The following KCNQ1OT1 variants were observed in gnomAD, a reference collection of about 807,000 sequenced individuals.
The protein encoded by KCNQ1OT1 is KCNQ1 opposite strand/antisense transcript 1, also known as KCNQ1 antisense RNA 2 (non-protein coding).
exon 1 of KCNQ1OT1, chr11:2,619,160 C>A: frequency 2.5e-6 from 1 of 398,390 alleles, no homozygotes; most frequent in Non-Finnish European, 4.4e-6. Flanking sequence ...ATTTGAATGT[C>A]TTTCATTTCT....
At chr11:2,634,135 A>ATTTT (rs35461041) in exon 1 of KCNQ1OT1, 11 of 382,550 alleles carry the variant, frequency 2.9e-5, no homozygotes, top group African/African-American at 1.1e-4. Flanking sequence ...TGTCTTTGGT[A>ATTTT]TTTTTTTTTT....
chr11:2,622,801 A>G (rs1849197271), exon 1 of KCNQ1OT1: 1 of 398,670 alleles, frequency 2.5e-6, no homozygotes, highest in East Asian at 3.6e-5. Context: ...CACTGCACCC[A>G]TACATACAGA....
chr11:2,673,893 T>A lies in KCNQ1OT1; in HGVS notation n.26102A>T, dbSNP rs1021557202. ...TCCTGAAAGCAGGCACAGGAAGGGA[T>A]GGGAGCTCAGCTCACCGGGTGCTAG... is the stretch of plus-strand genomic sequence containing the variant. On this transcript the variant is annotated non_coding_transcript_exon_variant, in exon 1 of 1. Coordinates refer to ENST00000597346, the Ensembl canonical transcript of KCNQ1OT1. The surrounding 1 kb of genome is among the most constrained non-coding windows in gnomAD (Gnocchi z 4.5). 3.8e-5 allele frequency: 15 copies of A among 394,810 alleles called. No homozygotes were observed. Among genetic ancestry groups the A allele is most frequent in the Admixed American group, 1.4e-4 (3 of 22,098 alleles). 24.5% of individuals were successfully genotyped at this position (394,810 alleles called of 1,614,324 possible).
rs1364081489 is a variant in KCNQ1OT1, at chr11:2,626,561, C to T, written n.73434G>A. On this transcript the variant is annotated non_coding_transcript_exon_variant, in exon 1 of 1. Transcript: ENST00000597346. This position sits in a 1 kb window ranked among gnomAD's most constrained non-coding sequence, Gnocchi z 4.0. ...TTTGTTTGTTTTTCAGACATTCTTA[C>T]TCTGTTGCCCACGCTGGAGTACAGT... 1 of 398,462 alleles carries T rather than the reference C, an allele frequency of 2.5e-6. No homozygotes were observed. Among genetic ancestry groups the T allele is most frequent in the Admixed American group, 4.4e-5 (1 of 22,702 alleles). 24.7% of individuals were successfully genotyped at this position (398,462 alleles called of 1,614,324 possible).
chr11:2,651,817 G>C lies in KCNQ1OT1; in HGVS notation n.48178C>G, dbSNP rs1446929663. 5.5e-5 allele frequency: 22 copies of C among 398,442 alleles called. No homozygotes were observed. The East Asian group carries it at 7.5e-4, about 14-fold the overall frequency. The allele number at this position is 398,442 out of a possible 1,614,324, so 24.7% of individuals were successfully genotyped here. A position where few individuals can be genotyped will look rare whatever the true frequency, so the allele number is the denominator to read the frequency against. ...TTAAGAGTCCATTAGCATTGGAATG[G>C]AGCCCACAGGACCATACCAGACAGA... On this transcript the variant is annotated non_coding_transcript_exon_variant, in exon 1 of 1. Coordinates refer to ENST00000597346, the Ensembl canonical transcript of KCNQ1OT1. This position sits in a 1 kb window ranked among gnomAD's most constrained non-coding sequence, Gnocchi z 6.1.
In KCNQ1OT1 at chr11:2,645,988, T is replaced by C. The variant is rs1262903820; in HGVS notation, n.54007A>G. 8 of 398,640 alleles carry C rather than the reference T, an allele frequency of 2.0e-5. No individual in the cohort carries two copies. The highest frequency in any genetic ancestry group is 1.8e-4 in the East Asian group (5 of 28,074). 24.7% of individuals were successfully genotyped at this position (398,640 alleles called of 1,614,324 possible). ...TTCTCTGACTAGGATTTCAGGAGTC[T>C]GCTGTGGGAATGTGGACCACTAGGG... On this transcript the variant is annotated non_coding_transcript_exon_variant, in exon 1 of 1. Coordinates refer to ENST00000597346, the Ensembl canonical transcript of KCNQ1OT1. The surrounding 1 kb of genome is among the most constrained non-coding windows in gnomAD (Gnocchi z 5.8).
exon 1 of KCNQ1OT1, chr11:2,631,121 T>C: frequency 1.0e-5 from 4 of 398,602 alleles, no homozygotes; most frequent in Non-Finnish European, 1.8e-5. Context: ...TCCATCAATC[T>C]GGGAAGAGCC....
rs1369235086 is a variant in KCNQ1OT1, at chr11:2,682,155, T to TA, written n.17839dup. 6 of 398,468 alleles carry TA rather than the reference T, an allele frequency of 1.5e-5. No homozygotes were observed. The highest frequency in any genetic ancestry group is 2.2e-5 in the Non-Finnish European group (5 of 226,092). The allele number at this position is 398,468 out of a possible 1,614,324, so 24.7% of individuals were successfully genotyped here. Reference sequence around the variant, plus strand: ...AGCTCATCAAATATTCTTTCAGTATTAAACATATCAAGCTCTCTCCTGACC... The same window carrying TA: ...AGCTCATCAAATATTCTTTCAGTATTAAAACATATCAAGCTCTCTCCTGACC... On this transcript the variant is annotated non_coding_transcript_exon_variant, in exon 1 of 1. Transcript: ENST00000597346. This position sits in a 1 kb window ranked among gnomAD's most constrained non-coding sequence, Gnocchi z 5.8.
rs1849007721 is a variant in KCNQ1OT1 at position 2,613,100 on chromosome 11, T to C, written n.86895A>G. On this transcript the variant is annotated non_coding_transcript_exon_variant, in exon 1 of 1. Coordinates refer to ENST00000597346, the Ensembl canonical transcript of KCNQ1OT1. The surrounding 1 kb of genome is among the most constrained non-coding windows in gnomAD (Gnocchi z 4.8). Reference sequence around the variant, plus strand: ...CAAGCCATGATTAGTCAGACATTTGTTTAAACATCTTGAGCCAGTGAATCT... The same window carrying C: ...CAAGCCATGATTAGTCAGACATTTGCTTAAACATCTTGAGCCAGTGAATCT... 2 of 398,492 alleles carry C rather than the reference T, an allele frequency of 5.0e-6. No individual in the cohort carries two copies. Among genetic ancestry groups the C allele is most frequent in the South Asian group, 2.5e-4 (2 of 7,862 alleles). The allele number at this position is 398,492 out of a possible 1,614,324, so 24.7% of individuals were successfully genotyped here. A position where few individuals can be genotyped will look rare whatever the true frequency, so the allele number is the denominator to read the frequency against.
exon 1 of KCNQ1OT1, chr11:2,696,475 G>T: frequency 2.5e-6 from 1 of 398,630 alleles, no homozygotes; most frequent in South Asian, 1.3e-4. Flanking sequence ...TGCTGAAGTT[G>T]GCGTGTGCCC....
chr11:2,612,522 G>A lies in KCNQ1OT1; in HGVS notation n.87473C>T. ...TTCTTTCTTCTGCCAGGTCAAATTT[G>A]CTTAGCCGCACTAGTGAGTTTTTCA... is the stretch of plus-strand genomic sequence containing the variant. On this transcript the variant is annotated non_coding_transcript_exon_variant, in exon 1 of 1. Transcript: ENST00000597346. The surrounding 1 kb of genome is among the most constrained non-coding windows in gnomAD (Gnocchi z 5.5). The A allele has an allele frequency of 2.5e-6, 1 of 398,518 alleles. No individual in the cohort carries two copies. Among genetic ancestry groups the A allele is most frequent in the Admixed American group, 4.4e-5 (1 of 22,720 alleles). 24.7% of individuals were successfully genotyped at this position (398,518 alleles called of 1,614,324 possible).
At chr11:2,643,910 G>C in exon 1 of KCNQ1OT1, 1 of 398,484 alleles carries the variant, frequency 2.5e-6, no homozygotes, top group Admixed American at 4.4e-5. Flanking sequence ...TTTTCTTTCA[G>C]CACTCTGCGT....
chr11:2,611,594 C>T lies in KCNQ1OT1; in HGVS notation n.88401G>A, dbSNP rs1246498436. ...TCTTTTTCCATCATTTTACTTTCAA[C>T]TATGTCTTTGAATCTAGAATGTGAC... On this transcript the variant is annotated non_coding_transcript_exon_variant, in exon 1 of 1. Transcript: ENST00000597346. This position sits in a 1 kb window ranked among gnomAD's most constrained non-coding sequence, Gnocchi z 5.3. 1.5e-5 allele frequency: 6 copies of T among 398,450 alleles called. No homozygotes were observed. In the East Asian group the frequency reaches 1.8e-4, roughly 12 times the overall value. 24.7% of individuals were successfully genotyped at this position (398,450 alleles called of 1,614,324 possible).
Position 2,663,635 on chromosome 11 carries a change from A to C in KCNQ1OT1, n.36360T>G, listed in dbSNP as rs1850009801. Reference sequence around the variant, plus strand: ...CACGGACCAGCATCCAGACATGCAAAAAGTCCTACTGGGAGGAGAGGGCCA... The same window carrying C: ...CACGGACCAGCATCCAGACATGCAACAAGTCCTACTGGGAGGAGAGGGCCA... On this transcript the variant is annotated non_coding_transcript_exon_variant, in exon 1 of 1. Coordinates refer to ENST00000597346, the Ensembl canonical transcript of KCNQ1OT1. This position sits in a 1 kb window ranked among gnomAD's most constrained non-coding sequence, Gnocchi z 5.2. 2.5e-6 allele frequency: 1 copy of C among 398,640 alleles called. No homozygotes were observed. The highest frequency in any genetic ancestry group is 4.4e-6 in the Non-Finnish European group (1 of 226,096). The allele number at this position is 398,640 out of a possible 1,614,324, so 24.7% of individuals were successfully genotyped here. A position where few individuals can be genotyped will look rare whatever the true frequency, so the allele number is the denominator to read the frequency against.
chr11:2,646,751 A>G, exon 1 of KCNQ1OT1: 1 of 398,622 alleles, frequency 2.5e-6, no homozygotes, highest in Non-Finnish European at 4.4e-6. Context: ...CCTGGGCTCA[A>G]GCAATCCACC....
chr11:2,655,730 C>T (rs958475886), exon 1 of KCNQ1OT1: 39 of 389,752 alleles, frequency 1.0e-4, no homozygotes, highest in East Asian at 3.7e-4. Flanking sequence ...GACCTGGCTA[C>T]GACCACAGGT....
At chr11:2,655,653 G>T in exon 1 of KCNQ1OT1, 1 of 398,662 alleles carries the variant, frequency 2.5e-6, no homozygotes. Context: ...CAGCACCAGT[G>T]TGTCTGGAAA....
Position 2,624,418 on chromosome 11 carries a change from T to C in KCNQ1OT1, n.75577A>G. ...TTTACAGAGCAGAAACTTTTATTTTTAACAAAGTCTAGCTTATCAATTATT... is the reference window on the plus strand; with the variant it reads ...TTTACAGAGCAGAAACTTTTATTTTCAACAAAGTCTAGCTTATCAATTATT... On this transcript the variant is annotated non_coding_transcript_exon_variant, in exon 1 of 1. Coordinates refer to ENST00000597346, the Ensembl canonical transcript of KCNQ1OT1. The surrounding 1 kb of genome is among the most constrained non-coding windows in gnomAD (Gnocchi z 4.9). 1 of 398,520 alleles carries C rather than the reference T, an allele frequency of 2.5e-6. No homozygotes were observed. Among genetic ancestry groups the C allele is most frequent in the Non-Finnish European group, 4.4e-6 (1 of 226,028 alleles). The allele number at this position is 398,520 out of a possible 1,614,324, so 24.7% of individuals were successfully genotyped here. A position where few individuals can be genotyped will look rare whatever the true frequency, so the allele number is the denominator to read the frequency against.
In KCNQ1OT1 at chr11:2,620,503, A is replaced by G; in HGVS notation, n.79492T>C. The G allele has an allele frequency of 2.7e-6, 1 of 372,986 alleles. No homozygotes were observed. Among genetic ancestry groups the G allele is most frequent in the Non-Finnish European group, 4.7e-6 (1 of 210,816 alleles). 23.1% of individuals were successfully genotyped at this position (372,986 alleles called of 1,614,324 possible). A position where few individuals can be genotyped will look rare whatever the true frequency, so the allele number is the denominator to read the frequency against. On this transcript the variant is annotated non_coding_transcript_exon_variant, in exon 1 of 1. Coordinates refer to ENST00000597346, the Ensembl canonical transcript of KCNQ1OT1. The surrounding 1 kb of genome is among the most constrained non-coding windows in gnomAD (Gnocchi z 4.5). ...AGTGCTGGGATTACAGGTGAGAGCT[A>G]CCGCACCTGGCCGAATTCATTCATT...
Sources: gnomAD v4.1 joint callset for allele counts on GRCh38, gnomAD v4.1.1 for gene constraint, Gnocchi (gnomAD v3.1) non-coding constraint, MANE v1.5 for transcripts, NCBI Gene and HGNC (gene_info 2026-07-23, HGNC 2026-07-21) for gene names.